NOTCH2: variants seen among roughly 807,000 people sequenced by gnomAD.
NOTCH2 encodes the protein notch receptor 2, also known as neurogenic locus notch homolog protein 2.
NOTCH2 carries 29 observed loss-of-function variants against 235.8 expected under a neutral mutation model. That is an observed-to-expected ratio of 0.12 (90% CI 0.09 to 0.17). The LOEUF (loss-of-function observed/expected upper bound fraction) is 0.17. Among genes scored for constraint, NOTCH2 ranks in the 10% least tolerant of loss-of-function variants. The probability of loss-of-function intolerance (pLI) is 1.00; values close to 1 mark genes in which losing one functional copy is unlikely to be tolerated. For missense variants in NOTCH2, 2,285 were observed against 3,150.2 expected (o/e 0.73, Z 6.57); for synonymous variants, 1,086 against 1,141.5 (o/e 0.95, Z 0.98).
intron 4 of NOTCH2, among the ~76,000 whole-genome samples, chr1:119,988,937 GA>G (rs1553202533): frequency 6.6e-6 from 1 of 152,192 alleles, no homozygotes; most frequent in East Asian, 1.9e-4. Flanking sequence ...CCACAGACAA[GA>G]AAGCAGAAGC....
At chr1:119,947,630 C>T (rs1469667723) in intron 17 of NOTCH2, among the ~76,000 whole-genome samples, 5 of 152,302 alleles carry the variant, frequency 3.3e-5, no homozygotes, top group East Asian at 3.9e-4. Context: ...ACACTTACGA[C>T]ATGATTCACC....
intron 23 of NOTCH2, among the ~76,000 whole-genome samples, chr1:119,927,540 T>C (rs1180363433): frequency 6.6e-6 from 1 of 152,020 alleles, no homozygotes; most frequent in Non-Finnish European, 1.5e-5. Context: ...TTTTTTTTCA[T>C]TCACAAATGT....
intron 33 of NOTCH2, among the ~76,000 whole-genome samples, chr1:119,917,138 T>C (rs1649110725): frequency 1.3e-5 from 2 of 151,188 alleles, no homozygotes; most frequent in African/African-American, 4.9e-5. Context: ...AACTAAGGCA[T>C]GCACAGAACT....
chr1:120,034,335 CAAAA>C (rs558577685), intron 1 of NOTCH2, among the ~76,000 whole-genome samples: 1 of 55,800 alleles, frequency 1.8e-5, no homozygotes, highest in Non-Finnish European at 3.0e-5. Context: ...TCTACTCCAC[CAAAA>C]AAAAAAAAAA....
chr1:120,013,901 C>T (rs1653312486), intron 2 of NOTCH2, among the ~76,000 whole-genome samples: 1 of 151,872 alleles, frequency 6.6e-6, no homozygotes, highest in Non-Finnish European at 1.5e-5. Flanking sequence ...AAACACCCAA[C>T]AACCCTTACA....
intron 22 of NOTCH2, among the ~76,000 whole-genome samples, chr1:119,931,729 G>A (rs1553195143): frequency 6.6e-6 from 1 of 151,744 alleles, no homozygotes; most frequent in Non-Finnish European, 1.5e-5. Context: ...TATGGCAAAA[G>A]TACTTGAAGA....
chr1:119,971,280 C>T (rs949857887), intron 5 of NOTCH2, among the ~76,000 whole-genome samples: 11 of 152,176 alleles, frequency 7.2e-5, no homozygotes, highest in African/African-American at 2.7e-4. Context: ...TGGATGTCTC[C>T]GGAACTCCGT....
At chr1:119,919,006 G>A (rs17024508) in intron 31 of NOTCH2, among the ~76,000 whole-genome samples, 7,345 of 152,230 alleles carry the variant, frequency 0.048, 286 homozygotes, top group South Asian at 0.11. Context: ...CAAAGGCTCC[G>A]GACCAGCTAT....
chr1:119,922,509 A>T (rs1339176197), intron 27 of NOTCH2, 63 bp from the exon 28 acceptor site: 1 of 1,590,296 alleles, frequency 6.3e-7, no homozygotes, highest in Admixed American at 1.7e-5. Context: ...TGTCAGCATT[A>T]GATTCATTTA....
At chr1:120,024,702 C>T (rs1188543066) in intron 2 of NOTCH2, among the ~76,000 whole-genome samples, 1 of 152,058 alleles carries the variant, frequency 6.6e-6, no homozygotes, top group Non-Finnish European at 1.5e-5. Context: ...AAAAAGTGGA[C>T]ATTCTCAAAT....
intron 2 of NOTCH2, among the ~76,000 whole-genome samples, chr1:120,010,323 A>C (rs375138597): frequency 0.02 from 2,990 of 152,064 alleles, 4 homozygotes; most frequent in East Asian, 0.11. Flanking sequence ...CAAGAAATTT[A>C]ATTTCTATCC....
chr1:120,014,480 G>C (rs1357102886), intron 2 of NOTCH2, among the ~76,000 whole-genome samples: 16 of 149,172 alleles, frequency 1.1e-4, no homozygotes, highest in Admixed American at 3.3e-4. Context: ...ATACGCATGG[G>C]GTTGGATGTA....
Position 119,937,285 on chromosome 1 carries a change from G to A in NOTCH2, c.3519C>T (p.Cys1173=), listed in dbSNP as rs115325955. Residue 1173 remains cysteine, a synonymous_variant, in exon 21 of 34, where the codon TGC becomes TGT. Coordinates refer to ENST00000256646, the MANE Select transcript of NOTCH2 (RefSeq NM_024408.4). ...TCTGCTTGCTCAGTGTCCTCACCTC[G>A]CATCTGTATCCACCAATGAAGTCAC... ...TCSDFIGGYR[C]ECVPGYQGVN... 1,560 of 1,613,110 alleles carry A rather than the reference G, an allele frequency of 9.7e-4. 11 individuals are homozygous for A. In the Middle Eastern group the frequency reaches 0.018, roughly 19 times the overall value.
At chr1:119,983,354 T>C (rs964440002) in intron 5 of NOTCH2, among the ~76,000 whole-genome samples, 12 of 152,084 alleles carry the variant, frequency 7.9e-5, no homozygotes, top group Non-Finnish European at 1.6e-4. Flanking sequence ...GGTTTTGCCA[T>C]GTTACGCAGG....
chr1:119,954,199 C>G (rs1356487609), intron 13 of NOTCH2, among the ~76,000 whole-genome samples: 1 of 152,132 alleles, frequency 6.6e-6, no homozygotes, highest in Non-Finnish European at 1.5e-5. Context: ...CAGGAAAAGG[C>G]ACAGGAATGA....
At chr1:119,976,678 TATTTTGCATTTAGGATAA>T (rs1553200981) in intron 5 of NOTCH2, among the ~76,000 whole-genome samples, 1 of 152,138 alleles carries the variant, frequency 6.6e-6, no homozygotes, top group African/African-American at 2.4e-5. Flanking sequence ...TTTGATGAAT[TATTTTGCATTTAGGATAA>T]AATTCTAACA....
At position 119,925,735 on chromosome 1, in the gene NOTCH2, C is replaced by T. The variant is rs138567855; in HGVS notation, c.4081G>A (p.Ala1361Thr). 28 of 1,613,948 alleles carry T rather than the reference C, an allele frequency of 1.7e-5. No individual in the cohort carries two copies. Among genetic ancestry groups the T allele is most frequent in the Middle Eastern group, 1.7e-4 (1 of 6,060 alleles). The change falls in exon 25 of 34, where the codon GCC becomes ACC. Residue 1361 changes from alanine (A) to threonine (T), a missense_variant. Around this residue, in one of 6 missense-constraint regions of NOTCH2, gnomAD observed 1,173 missense variants for 1,515.3 expected, o/e 0.77. Transcript: ENST00000256646. ...GGGCAGAAGCAGCGGGGTCCAGAGGCGGTGTGCACACACTGCTCCCCCTTC... is the reference window on the plus strand; with the variant it reads ...GGGCAGAAGCAGCGGGGTCCAGAGGTGGTGTGCACACACTGCTCCCCCTTC... ...CRKGEQCVHT[A>T]SGPRCFCPSP...
At chr1:119,957,936 G>A (rs1650772156) in intron 12 of NOTCH2, among the ~76,000 whole-genome samples, 1 of 151,636 alleles carries the variant, frequency 6.6e-6, no homozygotes, top group Non-Finnish European at 1.5e-5. Flanking sequence ...ATGGGCTCAG[G>A]GGTCAGATTG....
At chr1:119,956,167 G>A (rs1553198350) in intron 12 of NOTCH2, among the ~76,000 whole-genome samples, 1 of 152,090 alleles carries the variant, frequency 6.6e-6, no homozygotes. Context: ...ATATTTCTTA[G>A]GCTGAATAAA....
Sources: gnomAD v4.1 joint callset for allele counts (sites outside exome capture counted in the v4.1 genomes callset) on GRCh38, gnomAD v4.1.1 for gene constraint, gnomAD v4.1.1 regional missense constraint, MANE v1.5 for transcripts, NCBI Gene and HGNC (gene_info 2026-07-23, HGNC 2026-07-21) for gene names.